The following MCF2L2 variants were observed in gnomAD, a reference collection of about 807,000 sequenced individuals.
MCF2L2 encodes the protein probable guanine nucleotide exchange factor MCF2L2.
Under a neutral mutation model 150.2 loss-of-function variants are expected in MCF2L2, and 102 were observed. That is an observed-to-expected ratio of 0.68 (90% CI 0.58 to 0.80). The LOEUF (loss-of-function observed/expected upper bound fraction) is 0.80. Among genes scored for constraint, MCF2L2 ranks in the 30% least tolerant of loss-of-function variants. MCF2L2 has a pLI of 0.00. For synonymous variants in MCF2L2, 465 were observed against 491.3 expected, an observed-to-expected ratio of 0.95 and a Z score of 0.71; for missense variants, 1,256 against 1,372.8, an observed-to-expected ratio of 0.91 and a Z score of 1.34.
At chr3:183,196,181 C>T (rs1722076975) in intron 25 of MCF2L2, among the ~76,000 whole-genome samples, 1 of 152,278 alleles carries the variant, frequency 6.6e-6, no homozygotes, top group African/African-American at 2.4e-5. Context: ...CTGCCCAAGC[C>T]CTAGCTGACT....
chr3:183,420,982 T>C (rs906480252), intron 1 of MCF2L2, among the ~76,000 whole-genome samples: 44 of 142,078 alleles, frequency 3.1e-4, no homozygotes, highest in African/African-American at 1.2e-3. Context: ...AGATTCTTGG[T>C]TGACAATTTT....
In MCF2L2 at chr3:183,185,244, T is replaced by A. The variant is rs865917839; in HGVS notation, c.3017-5085A>T. On this transcript the variant is annotated intron_variant, in intron 27 of 29. Coordinates refer to ENST00000328913, the MANE Select transcript of MCF2L2 (RefSeq NM_015078.4). ...ATTATGCACAACTTTTTAAGGACCA[T>A]CTCTATCACATGAACTAAAGGATAT... 7.2e-5 allele frequency among the ~76,000 whole-genome samples: 11 copies of A among 152,368 alleles called. 1 individual carries two copies. The Middle Eastern group carries it at 0.017, about 236-fold the overall frequency.
rs1443460778 is a variant in MCF2L2, at chr3:183,339,464, T to C, written c.367-545A>G. On this transcript the variant is annotated intron_variant, in intron 4 of 29. Coordinates refer to ENST00000328913, the MANE Select transcript of MCF2L2 (RefSeq NM_015078.4). ...ATCCCTTATTGTTAATCATTTAGGC[T>C]TTTTGATAATTTTACTATTGTAAAT... 2.6e-5 allele frequency among the ~76,000 whole-genome samples: 4 copies of C among 152,238 alleles called. No individual in the cohort carries two copies. The East Asian group carries it at 7.7e-4, about 29-fold the overall frequency.
In MCF2L2 at chr3:183,270,932, C is replaced by CTAAT; in HGVS notation, c.1862+5936_1862+5939dup. The CTAAT allele has an allele frequency of 6.4e-7, 1 of 1,560,048 alleles. No individual in the cohort carries two copies. Among genetic ancestry groups the CTAAT allele is most frequent in the African/African-American group, 1.4e-5 (1 of 72,690 alleles). On this transcript the variant is annotated intron_variant, in intron 15 of 29. Transcript: ENST00000328913. This position sits in a 1 kb window ranked among gnomAD's most constrained non-coding sequence, Gnocchi z 4.5. ...CATACCCTTGTAGGGCTGCGTTTATCTAATAGTACTTGAATGTTGTATGTT... is the reference window on the plus strand; with the variant it reads ...CATACCCTTGTAGGGCTGCGTTTATCTAATTAATAGTACTTGAATGTTGTATGTT...
intron 1 of MCF2L2, among the ~76,000 whole-genome samples, chr3:183,413,188 A>C (rs1452521513): frequency 6.6e-6 from 1 of 152,100 alleles, no homozygotes; most frequent in Non-Finnish European, 1.5e-5. Flanking sequence ...CTGGGGTGCC[A>C]AACTCCCTCA....
At chr3:183,345,456 A>G (rs1032050234) in intron 3 of MCF2L2, among the ~76,000 whole-genome samples, 8 of 152,220 alleles carry the variant, frequency 5.3e-5, no homozygotes, top group African/African-American at 1.7e-4. Context: ...AAATGCCCAC[A>G]TGAGAAAGCA....
chr3:183,264,275 T>A (rs1237317951), intron 15 of MCF2L2, among the ~76,000 whole-genome samples: 2 of 152,208 alleles, frequency 1.3e-5, no homozygotes, highest in Admixed American at 1.3e-4. Context: ...TGCAGCCACC[T>A]AAATCCTAGT....
Position 183,179,185 on chromosome 3 carries a change from G to A in MCF2L2, c.*195C>T. ...GCAGGCGCCTTAGAGCAGCTCCGAG[G>A]TCCCCCGTGCGGAGCTAGGCGCGCA... is the stretch of plus-strand genomic sequence containing the variant. On this transcript the variant is annotated 3_prime_UTR_variant, in exon 30 of 30. Coordinates refer to ENST00000328913, the MANE Select transcript of MCF2L2 (RefSeq NM_015078.4). The surrounding 1 kb of genome is among the most constrained non-coding windows in gnomAD (Gnocchi z 4.2). 1.5e-6 allele frequency: 1 copy of A among 670,826 alleles called. No homozygotes were observed. The highest frequency in any genetic ancestry group is 2.2e-6 in the Non-Finnish European group (1 of 457,858). The allele number at this position is 670,826 out of a possible 1,614,324, so 41.6% of individuals were successfully genotyped here.
intron 15 of MCF2L2, among the ~76,000 whole-genome samples, chr3:183,258,649 G>A (rs1011165492): frequency 4.0e-5 from 6 of 151,272 alleles, no homozygotes; most frequent in South Asian, 2.1e-4. Flanking sequence ...CCACCCCCCC[G>A]CCCCTGATAT....
chr3:183,231,372 C>T (rs979985377), intron 15 of MCF2L2, among the ~76,000 whole-genome samples: 3 of 151,808 alleles, frequency 2.0e-5, no homozygotes, highest in African/African-American at 7.3e-5. Flanking sequence ...GAAGGTCTGC[C>T]TGACCCCACC....
intron 1 of MCF2L2, among the ~76,000 whole-genome samples, chr3:183,410,120 T>C (rs1318201497): frequency 6.6e-6 from 1 of 152,170 alleles, no homozygotes; most frequent in Non-Finnish European, 1.5e-5. Context: ...TAAAAGTGGC[T>C]ATTCCCCTTA....
intron 3 of MCF2L2, among the ~76,000 whole-genome samples, chr3:183,359,003 G>GT (rs111465269): frequency 0.049 from 7,021 of 143,120 alleles, 229 homozygotes; most frequent in Non-Finnish European, 0.078. Context: ...AGTTCATTGG[G>GT]TTTTTTTTTT....
intron 23 of MCF2L2, among the ~76,000 whole-genome samples, chr3:183,206,843 G>C (rs1226966495): frequency 1.3e-5 from 2 of 151,596 alleles, no homozygotes; most frequent in South Asian, 2.1e-4. Context: ...ACTCCAGCCT[G>C]GGCAACAAGA....
At chr3:183,191,736 T>G (rs1721899437) in intron 27 of MCF2L2, among the ~76,000 whole-genome samples, 1 of 152,224 alleles carries the variant, frequency 6.6e-6, no homozygotes, top group Non-Finnish European at 1.5e-5. Context: ...AAATCAACTT[T>G]CACCTTTTCA....
At chr3:183,328,515 G>A (rs1417150474) in intron 5 of MCF2L2, among the ~76,000 whole-genome samples, 1 of 150,798 alleles carries the variant, frequency 6.6e-6, no homozygotes, top group African/African-American at 2.4e-5. Flanking sequence ...AGAACTGCTT[G>A]GTGTGAAAAA....
intron 9 of MCF2L2, 47 bp from the exon 10 acceptor site, chr3:183,309,882 A>G: frequency 1.2e-6 from 2 of 1,605,940 alleles, no homozygotes; most frequent in Non-Finnish European, 1.7e-6. Flanking sequence ...ACACTCACTC[A>G]CCTGAAGGTA....
At chr3:183,331,613 G>A (rs537263971) in intron 5 of MCF2L2, among the ~76,000 whole-genome samples, 140 of 152,242 alleles carry the variant, frequency 9.2e-4, no homozygotes, top group African/African-American at 3.3e-3. Context: ...CAATTTCCAC[G>A]ATCATAGCCT....
intron 1 of MCF2L2, among the ~76,000 whole-genome samples, chr3:183,419,204 G>A (rs1715750428): frequency 6.6e-6 from 1 of 152,198 alleles, no homozygotes; most frequent in South Asian, 2.1e-4. Flanking sequence ...AGCTGGAGTG[G>A]CTGGAACACA....
chr3:183,279,040 G>A (rs927221864), intron 14 of MCF2L2, among the ~76,000 whole-genome samples: 1 of 152,082 alleles, frequency 6.6e-6, no homozygotes, highest in Non-Finnish European at 1.5e-5. Context: ...AGCAGATCCA[G>A]AGACTGCATT....
Sources: gnomAD v4.1 joint callset for allele counts (sites outside exome capture counted in the v4.1 genomes callset) on GRCh38, gnomAD v4.1.1 for gene constraint, Gnocchi (gnomAD v3.1) non-coding constraint, MANE v1.5 for transcripts, NCBI Gene and HGNC (gene_info 2026-07-23, HGNC 2026-07-21) for gene names.